Variants in MYO7B observed in about 807,000 individuals in gnomAD.
The protein encoded by MYO7B is unconventional myosin-VIIb.
Under a neutral mutation model 259.7 loss-of-function variants are expected in MYO7B, and 212 were observed. That is an observed-to-expected ratio of 0.82 (90% CI 0.73 to 0.91). MYO7B has a LOEUF of 0.91. Among genes scored for constraint, MYO7B ranks in the 40% least tolerant of loss-of-function variants. MYO7B has a pLI of 0.00. For synonymous variants in MYO7B, 1,197 were observed against 1,166.4 expected (o/e 1.03, Z -0.54); for missense variants, 2,732 against 2,813.5 (o/e 0.97, Z 0.66).
Position 127,576,558 on chromosome 2 carries a change from T to C in MYO7B, c.736-37T>C, listed in dbSNP as rs1413784152. 2.2e-6 allele frequency: 3 copies of C among 1,393,576 alleles called. No individual in the cohort carries two copies. The highest frequency in any genetic ancestry group is 2.5e-5 in the South Asian group (2 of 78,586). The allele number at this position is 1,393,576 out of a possible 1,614,324, so 86.3% of individuals were successfully genotyped here. A position where few individuals can be genotyped will look rare whatever the true frequency, so the allele number is the denominator to read the frequency against. The stretch of plus-strand genomic sequence containing the variant: ...GGCCCTGAGGCCTCAGGGGAATGGC[T>C]CATGAATCTGTCTGGAATGCCCTCC... On this transcript the variant is annotated intron_variant, in intron 7 of 47. Transcript: ENST00000409816. The surrounding 1 kb of genome is among the most constrained non-coding windows in gnomAD (Gnocchi z 4.9).
In MYO7B at chr2:127,569,812, C is replaced by T. The variant is rs190814907; in HGVS notation, c.494C>T (p.Thr165Met). ...IISGESGAGK[T>M]ETTKLILQFL... ...AGCGGCGAGTCTGGGGCTGGCAAGA[C>T]GGAGACCACCAAGCTCATCCTGCAG... Residue 165 changes from threonine (T) to methionine (M), a missense_variant, in exon 6 of 48, where the codon ACG (threonine) becomes ATG (methionine). Coordinates refer to ENST00000409816, the MANE Select transcript of MYO7B (RefSeq NM_001393586.1). 3.6e-4 allele frequency: 584 copies of T among 1,612,756 alleles called. No homozygotes were observed. The highest frequency in any genetic ancestry group is 1.2e-3 in the Admixed American group (73 of 59,944).
In MYO7B at chr2:127,629,673, G is replaced by T; in HGVS notation, c.4653G>T (p.Lys1551Asn). The change falls in exon 35 of 48, where the codon AAG becomes AAT. Residue 1551 changes from lysine (K) to asparagine (N), a missense_variant. This residue lies in a region of MYO7B where 821 missense variants were observed against 769.3 expected (regional missense o/e 1.07). Transcript: ENST00000409816. ...TDDTTLLAFK[K>N]GDLLVLTKKQ... ...ACACCACCCTCCTGGCCTTCAAGAAGGGGGACCTGTTGGTCCTCACAAAGA... is the reference window on the plus strand; with the variant it reads ...ACACCACCCTCCTGGCCTTCAAGAATGGGGACCTGTTGGTCCTCACAAAGA... The T allele has an allele frequency of 1.2e-6, 2 of 1,612,376 alleles. No homozygotes were observed. Among genetic ancestry groups the T allele is most frequent in the Non-Finnish European group, 1.7e-6 (2 of 1,179,480 alleles).
Position 127,628,615 on chromosome 2 carries a change from C to A in MYO7B, c.4624+80C>A. On this transcript the variant is annotated intron_variant, in intron 34 of 47. Coordinates refer to ENST00000409816, the MANE Select transcript of MYO7B (RefSeq NM_001393586.1). This position sits in a 1 kb window ranked among gnomAD's most constrained non-coding sequence, Gnocchi z 4.8. ...ATGGGGTCTGTAGGTAGGTGGCATG[C>A]TCATCTCCACACAGCAGCCACAAGG... The A allele has an allele frequency of 7.3e-7, 1 of 1,376,292 alleles. No homozygotes were observed. Among genetic ancestry groups the A allele is most frequent in the Non-Finnish European group, 9.8e-7 (1 of 1,017,836 alleles). The allele number at this position is 1,376,292 out of a possible 1,614,324, so 85.3% of individuals were successfully genotyped here.
Position 127,627,588 on chromosome 2 carries a change from C to T in MYO7B, c.4460+278C>T, listed in dbSNP as rs1040773279. 3.6e-6 allele frequency: 2 copies of T among 562,140 alleles called. No homozygotes were observed. Among genetic ancestry groups the T allele is most frequent in the East Asian group, 4.3e-5 (1 of 23,352 alleles). The allele number at this position is 562,140 out of a possible 1,614,324, so 34.8% of individuals were successfully genotyped here. ...CACCCGGAAGGGGCAGGGAAGCGTGCAGCCTCTGGCGGGCACTTATTTAGA... is the reference window on the plus strand; with the variant it reads ...CACCCGGAAGGGGCAGGGAAGCGTGTAGCCTCTGGCGGGCACTTATTTAGA... On this transcript the variant is annotated intron_variant, in intron 33 of 47. Coordinates refer to ENST00000409816, the MANE Select transcript of MYO7B (RefSeq NM_001393586.1). This position sits in a 1 kb window ranked among gnomAD's most constrained non-coding sequence, Gnocchi z 5.6.
At chr2:127,620,836 A>G (rs1166854515) in intron 27 of MYO7B, among the ~76,000 whole-genome samples, 3 of 152,196 alleles carry the variant, frequency 2.0e-5, no homozygotes, top group Non-Finnish European at 4.4e-5. Flanking sequence ...AGTTCTTAGG[A>G]CTGAAAATGG....
chr2:127,570,409 C>T (rs1345852399), intron 6 of MYO7B, among the ~76,000 whole-genome samples: 1 of 152,202 alleles, frequency 6.6e-6, no homozygotes, highest in Non-Finnish European at 1.5e-5. Context: ...GAGGCTCACG[C>T]TGTGATCCAG....
At chr2:127,556,428 C>A (rs1052725414) in intron 1 of MYO7B, among the ~76,000 whole-genome samples, 2 of 152,124 alleles carry the variant, frequency 1.3e-5, no homozygotes, top group Non-Finnish European at 2.9e-5. Context: ...TTATTCCATT[C>A]ATTATGCTAT....
rs557176673 is a variant in MYO7B at position 127,539,056 on chromosome 2, G to C, written c.-24+3225G>C. Among the ~76,000 whole-genome samples the C allele has an allele frequency of 2.6e-5, 4 of 152,134 alleles. No individual in the cohort carries two copies. The highest frequency in any genetic ancestry group is 4.4e-5 in the Non-Finnish European group (3 of 68,034). On this transcript the variant is annotated intron_variant, in intron 1 of 47. Coordinates refer to ENST00000409816, the MANE Select transcript of MYO7B (RefSeq NM_001393586.1). The surrounding 1 kb of genome is among the most constrained non-coding windows in gnomAD (Gnocchi z 4.0). Reference sequence around the variant, plus strand: ...TGTCTGAGCTCCTACTCTGTTCTGGGGGCTGGGGGCAGAGTACTGAGGGTA... The same window carrying C: ...TGTCTGAGCTCCTACTCTGTTCTGGCGGCTGGGGGCAGAGTACTGAGGGTA...
Position 127,562,661 on chromosome 2 carries a change from T to A in MYO7B, c.19-1492T>A, listed in dbSNP as rs573720362. ...TGCCACCACACCCGGCTAATTTTTG[T>A]ATTTTTAGTAGAGATGGGGTTTCAC... is the stretch of plus-strand genomic sequence containing the variant. On this transcript the variant is annotated intron_variant, in intron 2 of 47. Transcript: ENST00000409816. 2.0e-5 allele frequency among the ~76,000 whole-genome samples: 3 copies of A among 152,130 alleles called. No individual in the cohort carries two copies. The South Asian group carries it at 6.2e-4, about 32-fold the overall frequency.
At chr2:127,634,715 C>G in intron 42 of MYO7B, 32 bp downstream of exon 42, 2 of 1,494,846 alleles carry the variant, frequency 1.3e-6, no homozygotes, top group Non-Finnish European at 1.8e-6. Flanking sequence ...TGGGGGAGGG[C>G]GTGGCTGGGT....
In MYO7B at chr2:127,609,410, C is replaced by A; in HGVS notation, c.2815-96C>A. ...CACCTGAGGGATCAGGGTAATGCAA[C>A]AGCCCCCGTGCTGCCCGGCCTGCTG... On this transcript the variant is annotated intron_variant, in intron 22 of 47. Coordinates refer to ENST00000409816, the MANE Select transcript of MYO7B (RefSeq NM_001393586.1). The surrounding 1 kb of genome is among the most constrained non-coding windows in gnomAD (Gnocchi z 6.9). 1 of 1,138,038 alleles carries A rather than the reference C, an allele frequency of 8.8e-7. No individual in the cohort carries two copies. Among genetic ancestry groups the A allele is most frequent in the Non-Finnish European group, 1.3e-6 (1 of 784,140 alleles). 70.5% of individuals were successfully genotyped at this position (1,138,038 alleles called of 1,614,324 possible). A position where few individuals can be genotyped will look rare whatever the true frequency, so the allele number is the denominator to read the frequency against.
chr2:127,608,652 T>TGGGCCCCCTGAGCCCTGCTGGGCC, intron 21 of MYO7B, 56 bp from the exon 22 acceptor site: 1 of 1,555,592 alleles, frequency 6.4e-7, no homozygotes, highest in Non-Finnish European at 8.7e-7. Flanking sequence ...TAGGCAGGGC[T>TGGGCCCCCTGAGCCCTGCTGGGCC]GGGCCCCCTG....
intron 9 of MYO7B, 76 bp from the exon 10 acceptor site, chr2:127,580,670 G>A: frequency 1.4e-6 from 2 of 1,426,666 alleles, no homozygotes; most frequent in East Asian, 2.5e-5. Context: ...GGCTGCCAAG[G>A]GCCCGGGCCA....
chr2:127,629,472 C>T (rs1267895481), intron 34 of MYO7B, among the ~76,000 whole-genome samples, 173 bp from the exon 35 acceptor site: 1 of 152,164 alleles, frequency 6.6e-6, no homozygotes, highest in Non-Finnish European at 1.5e-5. Context: ...CAGCAGGTGA[C>T]AGCCGTCTGA....
In MYO7B at chr2:127,559,701, C is replaced by T. The variant is rs1265509651; in HGVS notation, c.-22C>T. On this transcript the variant is annotated splice_region_variant and 5_prime_UTR_variant, in exon 2 of 48. Transcript: ENST00000409816. The surrounding 1 kb of genome is among the most constrained non-coding windows in gnomAD (Gnocchi z 4.1). ...GTTCTGCTTTCTCTCTCCATACAGG[C>T]TTGTGGAACTGCTGACTCAGGATGT... The T allele has an allele frequency of 6.8e-6, 11 of 1,613,936 alleles. No individual in the cohort carries two copies. The highest frequency in any genetic ancestry group is 9.3e-6 in the Non-Finnish European group (11 of 1,179,840).
chr2:127,603,014 A>G (rs1680024849), intron 19 of MYO7B, among the ~76,000 whole-genome samples: 1 of 151,880 alleles, frequency 6.6e-6, no homozygotes, highest in Non-Finnish European at 1.5e-5. Context: ...AAAAAAAAAA[A>G]GTAACTCCTA....
Position 127,578,188 on chromosome 2 carries a change from GCTCGGCCA to G in MYO7B, c.906_913del (p.Ser303GlufsTer88). ...GACGCCAAGGACTACGCCCACATCC[GCTCGGCCA>G]TGAAGATCCTCCAGTTCTCCGACTC... is the stretch of plus-strand genomic sequence containing the variant. On this transcript the variant is annotated frameshift_variant, in exon 9 of 48. Transcript: ENST00000409816. LOFTEE classifies it high-confidence loss of function. The G allele has an allele frequency of 1.2e-6, 2 of 1,613,778 alleles. No homozygotes were observed. The highest frequency in any genetic ancestry group is 1.7e-6 in the Non-Finnish European group (2 of 1,179,862).
chr2:127,609,552 C>T lies in MYO7B; in HGVS notation c.2861C>T (p.Thr954Ile). ...AAGCTGCTTGAGGTTGACCTGGACA[C>T]AGTCCCCATGGCGGAGGAGCCTGAG... is the stretch of plus-strand genomic sequence containing the variant. ...TQKLLEVDLDTVPMAEEPEED... is the reference protein window; with the variant it reads ...TQKLLEVDLDIVPMAEEPEED... Residue 954 changes from threonine (T) to isoleucine (I), a missense_variant, in exon 23 of 48, where the codon ACA becomes ATA. Coordinates refer to ENST00000409816, the MANE Select transcript of MYO7B (RefSeq NM_001393586.1). The surrounding 1 kb of genome is among the most constrained non-coding windows in gnomAD (Gnocchi z 6.9). 1.2e-6 allele frequency: 2 copies of T among 1,613,952 alleles called. No homozygotes were observed. The highest frequency in any genetic ancestry group is 2.2e-5 in the South Asian group (2 of 91,062).
chr2:127,630,705 G>A (rs990610848), intron 35 of MYO7B, 73 bp from the exon 36 acceptor site: 13 of 1,587,678 alleles, frequency 8.2e-6, no homozygotes, highest in Non-Finnish European at 1.1e-5. Context: ...AGGCTGCCAG[G>A]CCGGGAGGAG....
Sources: gnomAD v4.1 joint callset for allele counts (sites outside exome capture counted in the v4.1 genomes callset) on GRCh38, gnomAD v4.1.1 for gene constraint, gnomAD v4.1.1 regional missense constraint, Gnocchi (gnomAD v3.1) non-coding constraint, MANE v1.5 for transcripts, NCBI Gene and HGNC (gene_info 2026-07-23, HGNC 2026-07-21) for gene names.